PCDH15: variants seen among roughly 807,000 people sequenced by gnomAD.
PCDH15 encodes protocadherin-15.
PCDH15 carries 129 observed loss-of-function variants against 178.5 expected under a neutral mutation model. The ratio of observed to expected loss-of-function variants is 0.72; its 90% CI spans 0.63 to 0.84. PCDH15 has a LOEUF of 0.84. Among genes scored for constraint, PCDH15 ranks in the 40% least tolerant of loss-of-function variants. The pLI is 0.00. For synonymous variants in PCDH15, 800 were observed against 732.0 expected (o/e 1.09, Z -1.50); for missense variants, 2,230 against 2,099.9 (o/e 1.06, Z -1.21).
chr10:54,120,179 C>A (rs1412763173), intron 15 of PCDH15, among the ~76,000 whole-genome samples: 1 of 152,092 alleles, frequency 6.6e-6, no homozygotes, highest in East Asian at 1.9e-4. Context: ...GCATCTTAAG[C>A]AAATGAGAAG....
chr10:55,347,501 T>A (rs1358059209), intron 2 of PCDH15, among the ~76,000 whole-genome samples: 1 of 152,196 alleles, frequency 6.6e-6, no homozygotes, highest in Non-Finnish European at 1.5e-5. Context: ...AAATACATAC[T>A]ATTTTTCATT....
chr10:54,841,301 C>T (rs1223397754), intron 3 of PCDH15, among the ~76,000 whole-genome samples: 1 of 151,692 alleles, frequency 6.6e-6, no homozygotes, highest in Non-Finnish European at 1.5e-5. Context: ...TTAAACAACA[C>T]ACTCAAAAAC....
chr10:54,743,238 T>C (rs1945036111), intron 1 of PCDH15, among the ~76,000 whole-genome samples: 1 of 152,058 alleles, frequency 6.6e-6, no homozygotes. Flanking sequence ...AAAGCAAGAT[T>C]GTAGATTCAT....
At chr10:55,208,414 CA>C (rs1377890853) in intron 1 of PCDH15, among the ~76,000 whole-genome samples, 1 of 152,008 alleles carries the variant, frequency 6.6e-6, no homozygotes, top group African/African-American at 2.4e-5. Flanking sequence ...TCTCATACCA[CA>C]ACCTGCTTCC....
chr10:55,334,596 G>A lies in PCDH15; in HGVS notation c.-155-167945C>T, dbSNP rs577666638. ...TGCTGGCATTACAGGCGTGAGCCATGGTGCCCGGCTGGGTGCTCCATATTT... is the reference window on the plus strand; with the variant it reads ...TGCTGGCATTACAGGCGTGAGCCATAGTGCCCGGCTGGGTGCTCCATATTT... On this transcript the variant is annotated intron_variant, in intron 2 of 5. Transcript: ENST00000613346. Among the ~76,000 whole-genome samples the A allele has an allele frequency of 2.0e-5, 3 of 151,928 alleles. No individual in the cohort carries two copies. The East Asian group carries it at 5.8e-4, about 29-fold the overall frequency.
intron 2 of PCDH15, among the ~76,000 whole-genome samples, chr10:55,055,306 T>C (rs1478518357): frequency 1.3e-5 from 2 of 152,126 alleles, no homozygotes; most frequent in Non-Finnish European, 2.9e-5. Context: ...TGGAGATGCA[T>C]GTAAGAAGTA....
At chr10:55,000,934 G>A (rs564895457) in intron 2 of PCDH15, among the ~76,000 whole-genome samples, 1 of 152,192 alleles carries the variant, frequency 6.6e-6, no homozygotes, top group South Asian at 2.1e-4. Context: ...AGGCCCATTT[G>A]TGGTCACCCA....
intron 10 of PCDH15, among the ~76,000 whole-genome samples, chr10:54,202,479 T>C (rs1179531374): frequency 6.6e-6 from 1 of 151,978 alleles, no homozygotes; most frequent in East Asian, 1.9e-4. Context: ...ATTCTCAAAC[T>C]CTGATGTACC....
intron 2 of PCDH15, among the ~76,000 whole-genome samples, chr10:55,602,480 A>G (rs1186888147): frequency 6.6e-6 from 1 of 152,132 alleles, no homozygotes; most frequent in East Asian, 1.9e-4. Flanking sequence ...GCAGACTTAA[A>G]TGTCCCTGTC....
chr10:55,456,848 T>C (rs1436829687), intron 2 of PCDH15, among the ~76,000 whole-genome samples: 1 of 152,056 alleles, frequency 6.6e-6, no homozygotes, highest in Non-Finnish European at 1.5e-5. Context: ...CACTTCATCT[T>C]GTGAAAGTTC....
chr10:55,522,256 C>T (rs1841193142), intron 2 of PCDH15, among the ~76,000 whole-genome samples: 1 of 151,862 alleles, frequency 6.6e-6, no homozygotes, highest in Admixed American at 6.6e-5. Context: ...GATGGGATAT[C>T]TCACTATGGT....
intron 8 of PCDH15, among the ~76,000 whole-genome samples, chr10:54,286,893 A>AT (rs749342339): frequency 7.9e-5 from 12 of 152,198 alleles, no homozygotes; most frequent in Non-Finnish European, 1.2e-4. Context: ...AAGTGCTGGG[A>AT]TTATAGGCGT....
Position 54,961,518 on chromosome 10 carries a change from TGCTGATTTTTCCAG to T in PCDH15, c.-79-64032_-79-64019del, listed in dbSNP as rs1838654663. On this transcript the variant is annotated intron_variant, in intron 2 of 5. Coordinates refer to the PCDH15 transcript ENST00000458638. ...CTACCAGTTCTGGAGTGGGAACTTA[TGCTGATTTTTCCAG>T]GCCCACCCATGGCTGCCCATGGACC... is the stretch of plus-strand genomic sequence containing the variant. Among the ~76,000 whole-genome samples, 7 of 152,344 alleles carry T rather than the reference TGCTGATTTTTCCAG, an allele frequency of 4.6e-5. No individual in the cohort carries two copies. The South Asian group carries it at 1.4e-3, about 32-fold the overall frequency.
At chr10:55,113,018 C>T (rs1033968076) in intron 2 of PCDH15, among the ~76,000 whole-genome samples, 2 of 152,098 alleles carry the variant, frequency 1.3e-5, no homozygotes, top group African/African-American at 2.4e-5. Context: ...TTTCTTTGTT[C>T]GTGACACCAA....
chr10:55,256,666 G>A (rs1592026406), intron 1 of PCDH15, among the ~76,000 whole-genome samples: 3 of 152,174 alleles, frequency 2.0e-5, no homozygotes, highest in African/African-American at 7.2e-5. Flanking sequence ...AGGCGGCAGC[G>A]AGGCTGGGGG....
chr10:53,828,968 C>A (rs2076867017), intron 30 of PCDH15, among the ~76,000 whole-genome samples: 1 of 152,098 alleles, frequency 6.6e-6, no homozygotes, highest in Non-Finnish European at 1.5e-5. Flanking sequence ...GTAGCAAGCC[C>A]TGATTATACT....
intron 29 of PCDH15, among the ~76,000 whole-genome samples, chr10:53,836,784 G>A (rs1365292878): frequency 6.6e-6 from 1 of 152,156 alleles, no homozygotes; most frequent in Non-Finnish European, 1.5e-5. Context: ...TTCAAGAAAT[G>A]AAGTAACAGA....
At chr10:55,331,807 G>GTATATA (rs1472215748) in intron 2 of PCDH15, among the ~76,000 whole-genome samples, 5 of 151,974 alleles carry the variant, frequency 3.3e-5, no homozygotes, top group Non-Finnish European at 5.9e-5. Context: ...TTATTAACGG[G>GTATATA]TAACAGGATA....
chr10:55,172,673 G>A (rs1384089304), intron 1 of PCDH15, among the ~76,000 whole-genome samples: 1 of 151,876 alleles, frequency 6.6e-6, no homozygotes, highest in Non-Finnish European at 1.5e-5. Flanking sequence ...TGCTGAGAGA[G>A]TTCACACAGA....
Sources: allele counts gnomAD v4.1 joint callset (sites outside exome capture counted in the v4.1 genomes callset), GRCh38; gene constraint gnomAD v4.1.1; transcripts MANE v1.5; gene names NCBI Gene and HGNC (gene_info 2026-07-23, HGNC 2026-07-21).